The following TACR1 variants were observed in gnomAD, a reference collection of about 807,000 sequenced individuals.
TACR1 encodes substance-P receptor.
A neutral mutation model predicts 35.8 loss-of-function variants in TACR1; 25 were observed. The observed-to-expected ratio is 0.70, with a 90% CI of 0.51 to 0.98. TACR1 has a LOEUF of 0.98. Ranked by LOEUF, TACR1 falls within the 50% of genes least tolerant of loss-of-function variation. TACR1 has a pLI of 0.00. For synonymous variants in TACR1, 195 were observed against 206.7 expected (o/e 0.94, Z 0.48); for missense variants, 478 against 522.9 (o/e 0.91, Z 0.84).
intron 1 of TACR1, among the ~76,000 whole-genome samples, chr2:75,172,814 C>T (rs1335573795): frequency 6.6e-6 from 1 of 152,066 alleles, no homozygotes; most frequent in African/African-American, 2.4e-5. Context: ...GAGTTGGTTC[C>T]TTCAGAGGGT....
intron 1 of TACR1, among the ~76,000 whole-genome samples, 164 bp downstream of exon 1, chr2:75,198,382 T>G (rs1350497254): frequency 6.6e-6 from 1 of 152,024 alleles, no homozygotes; most frequent in Non-Finnish European, 1.5e-5. Flanking sequence ...TTGAAATACA[T>G]AAGATGAAGT....
At chr2:75,076,798 G>C (rs1204330368) in intron 2 of TACR1, among the ~76,000 whole-genome samples, 1 of 152,086 alleles carries the variant, frequency 6.6e-6, no homozygotes, top group African/African-American at 2.4e-5. Flanking sequence ...TCTAACTTCT[G>C]AGGCCTTCGC....
At chr2:75,191,713 T>G (rs1445157446) in intron 1 of TACR1, among the ~76,000 whole-genome samples, 1 of 152,188 alleles carries the variant, frequency 6.6e-6, no homozygotes, top group Non-Finnish European at 1.5e-5. Context: ...GCCCAGTTTT[T>G]CTTTTGCATC....
chr2:75,064,262 G>A (rs1166145402), intron 2 of TACR1, among the ~76,000 whole-genome samples: 6 of 152,238 alleles, frequency 3.9e-5, no homozygotes, highest in Non-Finnish European at 8.8e-5. Flanking sequence ...GGGCAGTAAT[G>A]GTGTTTGAGG....
chr2:75,094,180 GA>G (rs573140525), intron 2 of TACR1, among the ~76,000 whole-genome samples: 18 of 152,094 alleles, frequency 1.2e-4, no homozygotes, highest in Non-Finnish European at 2.6e-4. Flanking sequence ...ATGCCATGGG[GA>G]AAAAAGCTCT....
chr2:75,136,837 T>A (rs1674302515), intron 1 of TACR1, among the ~76,000 whole-genome samples: 1 of 152,202 alleles, frequency 6.6e-6, no homozygotes, highest in Non-Finnish European at 1.5e-5. Context: ...CTCCTGATGG[T>A]GTATCAGGCC....
intron 2 of TACR1, among the ~76,000 whole-genome samples, chr2:75,105,692 G>A (rs1176912879): frequency 6.6e-6 from 1 of 151,966 alleles, no homozygotes; most frequent in East Asian, 1.9e-4. Context: ...AACATCAATA[G>A]TAGTAAGTCA....
intron 1 of TACR1, chr2:75,154,401 A>AGCGCGCGCGCGTGCGCGC (rs142809732): frequency 1.3e-5 from 1 of 76,444 alleles, no homozygotes; most frequent in Non-Finnish European, 2.7e-5. Flanking sequence ...ATCAGCCAAG[A>AGCGCGCGCGCGTGCGCGC]GCGCGCACGC....
At chr2:75,193,803 T>C (rs1675905420) in intron 1 of TACR1, among the ~76,000 whole-genome samples, 1 of 152,210 alleles carries the variant, frequency 6.6e-6, no homozygotes, top group African/African-American at 2.4e-5. Flanking sequence ...GTACAACCCA[T>C]ATGAAACATT....
intron 1 of TACR1, among the ~76,000 whole-genome samples, chr2:75,142,515 C>T (rs1421976809): frequency 6.6e-6 from 1 of 152,082 alleles, no homozygotes; most frequent in African/African-American, 2.4e-5. Context: ...ATAGAAATAC[C>T]TAATCCACTG....
intron 1 of TACR1, among the ~76,000 whole-genome samples, chr2:75,125,604 T>G (rs780985338): frequency 5.3e-5 from 8 of 152,184 alleles, no homozygotes; most frequent in Non-Finnish European, 1.2e-4. Context: ...AAATGATATC[T>G]TGGCACATAG....
intron 2 of TACR1, among the ~76,000 whole-genome samples, chr2:75,071,152 G>T (rs1672870344): frequency 6.6e-6 from 1 of 152,180 alleles, no homozygotes; most frequent in Non-Finnish European, 1.5e-5. Context: ...GACCTGCCAA[G>T]CATCAAATAT....
In TACR1 at chr2:75,051,343, C is replaced by T. The variant is rs1672464533; in HGVS notation, c.840G>A (p.Lys280=). The change falls in exon 4 of 5, where the codon AAG becomes AAA. Residue 280 remains lysine (K), a synonymous_variant. Transcript: ENST00000305249. The part of the protein sequence containing the change: ...LPYINPDLYL[K]KFIQQVYLAI... ...CCAGGTAGACCTGCTGGATAAACTT[C>T]TTCAGGTAGAGATCTGGGTTGATGT... is the stretch of plus-strand genomic sequence containing the variant. The T allele has an allele frequency of 6.2e-7, 1 of 1,614,038 alleles. No homozygotes were observed. The highest frequency in any genetic ancestry group is 1.3e-5 in the African/African-American group (1 of 74,914).
chr2:75,055,170 CTTATTCACTCAATTTCTCCTTTG>C (rs1672545821), intron 2 of TACR1, among the ~76,000 whole-genome samples: 1 of 152,228 alleles, frequency 6.6e-6, no homozygotes, highest in African/African-American at 2.4e-5. Flanking sequence ...GGAAAACCCA[CTTATTCACTCAATTTCTCCTTTG>C]TAGATACTGT....
intron 2 of TACR1, among the ~76,000 whole-genome samples, chr2:75,068,555 A>G (rs2103810455): frequency 6.6e-6 from 1 of 152,304 alleles, no homozygotes; most frequent in Non-Finnish European, 1.5e-5. Context: ...CACCATAAAC[A>G]TATTAATAGC....
Position 75,144,245 on chromosome 2 carries a change from CGTG to C in TACR1, c.390-23480_390-23478del, listed in dbSNP as rs571778578. ...GACTGGAGAGGTGTGATAATTAAAGCGTGGGCACAGCCTGTGGGCTTCTGAGAT... is the reference window on the plus strand; with the variant it reads ...GACTGGAGAGGTGTGATAATTAAAGCGGCACAGCCTGTGGGCTTCTGAGAT... On this transcript the variant is annotated intron_variant, in intron 1 of 4. Transcript: ENST00000305249. Among the ~76,000 whole-genome samples, 7 of 152,204 alleles carry C rather than the reference CGTG, an allele frequency of 4.6e-5. No homozygotes were observed. The East Asian group carries it at 1.4e-3, about 29-fold the overall frequency.
intron 1 of TACR1, among the ~76,000 whole-genome samples, chr2:75,180,179 C>T (rs894705884): frequency 6.6e-6 from 1 of 152,202 alleles, no homozygotes; most frequent in African/African-American, 2.4e-5. Context: ...CTTCCTTCTA[C>T]TTCCCATGAC....
chr2:75,053,821 T>C (rs931875538), intron 2 of TACR1, 66 bp from the exon 3 acceptor site: 20 of 1,593,650 alleles, frequency 1.3e-5, no homozygotes, highest in Admixed American at 1.7e-5. Context: ...TAATTTTTGT[T>C]ATTGTTATTG....
Position 75,199,306 on chromosome 2 carries a change from A to G in TACR1, c.-372T>C, listed in dbSNP as rs200825203. On this transcript the variant is annotated 5_prime_UTR_variant, in exon 1 of 5. It removes the in-frame stop codon of an upstream open reading frame in the 5' UTR. Coordinates refer to ENST00000305249, the MANE Select transcript of TACR1 (RefSeq NM_001058.4). ...GCACCTGCTGCTGCCTGCAACTCCT[A>G]TTTCTCCTTCCTCCGCAGGGAAAGG... The G allele has an allele frequency of 3.1e-4, 69 of 222,938 alleles. No homozygotes were observed. Among genetic ancestry groups the G allele is most frequent in the African/African-American group, 1.5e-3 (69 of 45,256 alleles). 13.8% of individuals were successfully genotyped at this position (222,938 alleles called of 1,614,324 possible).
Sources: allele counts gnomAD v4.1 joint callset (sites outside exome capture counted in the v4.1 genomes callset), GRCh38; gene constraint gnomAD v4.1.1; transcripts MANE v1.5; gene names NCBI Gene and HGNC (gene_info 2026-07-23, HGNC 2026-07-21).